The following FGGY variants were observed in gnomAD, a reference collection of about 807,000 sequenced individuals.
FGGY encodes FGGY carbohydrate kinase domain containing.
Under a neutral mutation model 71.3 loss-of-function variants are expected in FGGY, and 72 were observed. The observed-to-expected ratio is 1.01, with a 90% confidence interval of 0.84 to 1.23. The LOEUF is 1.23. FGGY is among the 50% of genes most tolerant of loss of function. The pLI is 0.00. For synonymous variants in FGGY, 251 were observed against 250.3 expected, an observed-to-expected ratio of 1.00 and a Z score of -0.02; for missense variants, 668 against 682.3, an observed-to-expected ratio of 0.98 and a Z score of 0.23.
At chr1:59,534,545 T>C (rs970778301) in intron 7 of FGGY, among the ~76,000 whole-genome samples, 1 of 151,792 alleles carries the variant, frequency 6.6e-6, no homozygotes, top group East Asian at 1.9e-4. Flanking sequence ...TCACCAAAGT[T>C]GAAATGAAGG....
chr1:59,389,869 A>C (rs1195133575), intron 5 of FGGY, among the ~76,000 whole-genome samples: 1 of 152,196 alleles, frequency 6.6e-6, no homozygotes, highest in East Asian at 1.9e-4. Context: ...AATTGATTGA[A>C]TTTATATCAT....
At chr1:59,399,473 T>A (rs1156607791) in intron 5 of FGGY, among the ~76,000 whole-genome samples, 1 of 152,192 alleles carries the variant, frequency 6.6e-6, no homozygotes, top group African/African-American at 2.4e-5. Context: ...AACTTTCCCA[T>A]AGTAACAGAG....
At chr1:59,370,315 G>T (rs561518792) in intron 4 of FGGY, among the ~76,000 whole-genome samples, 1 of 152,202 alleles carries the variant, frequency 6.6e-6, no homozygotes, top group South Asian at 2.1e-4. Context: ...AGCGATGGAA[G>T]ATGAAATGAA....
intron 14 of FGGY, among the ~76,000 whole-genome samples, chr1:59,686,930 C>T (rs190248662): frequency 2.6e-5 from 4 of 152,300 alleles, no homozygotes; most frequent in Admixed American, 2.6e-4. Flanking sequence ...TGAATAAACT[C>T]TCAATGAGAG....
intron 10 of FGGY, among the ~76,000 whole-genome samples, chr1:59,636,496 G>A (rs1275197028): frequency 3.3e-5 from 5 of 152,024 alleles, no homozygotes; most frequent in African/African-American, 4.8e-5. Context: ...GGTGGCGGAC[G>A]CCTGTGGTCC....
intron 6 of FGGY, among the ~76,000 whole-genome samples, chr1:59,484,331 T>A (rs1479384882): frequency 6.6e-6 from 1 of 152,204 alleles, no homozygotes; most frequent in Non-Finnish European, 1.5e-5. Context: ...CGATATGTCT[T>A]CTGCATTCTC....
intron 14 of FGGY, among the ~76,000 whole-genome samples, chr1:59,710,777 A>G (rs1460771623): frequency 1.3e-5 from 2 of 152,182 alleles, no homozygotes; most frequent in African/African-American, 4.8e-5. Context: ...GGTGATCACT[A>G]AAGTCAGGAA....
At chr1:59,305,988 T>C (rs1356188849) in intron 1 of FGGY, among the ~76,000 whole-genome samples, 1 of 152,234 alleles carries the variant, frequency 6.6e-6, no homozygotes, top group Non-Finnish European at 1.5e-5. Context: ...GCTTGGCCTG[T>C]GTTCATCCTT....
intron 6 of FGGY, among the ~76,000 whole-genome samples, chr1:59,473,246 G>A (rs962218457): frequency 3.3e-5 from 5 of 151,516 alleles, no homozygotes; most frequent in African/African-American, 4.9e-5. Flanking sequence ...CGAACCCACC[G>A]GGAGGAACGA....
chr1:59,736,496 T>C (rs977724168), intron 14 of FGGY, among the ~76,000 whole-genome samples: 14 of 152,078 alleles, frequency 9.2e-5, no homozygotes, highest in African/African-American at 3.1e-4. Context: ...CAAGCTGAAG[T>C]GGTCTCAGAT....
intron 14 of FGGY, among the ~76,000 whole-genome samples, chr1:59,707,391 C>T (rs1238309489): frequency 1.3e-5 from 2 of 152,112 alleles, no homozygotes; most frequent in African/African-American, 4.8e-5. Context: ...AGAGGCCAAG[C>T]TGTAGGAGGA....
intron 14 of FGGY, among the ~76,000 whole-genome samples, chr1:59,706,880 G>A (rs951999826): frequency 6.6e-6 from 1 of 152,198 alleles, no homozygotes; most frequent in Non-Finnish European, 1.5e-5. Flanking sequence ...TTCATAGAAA[G>A]TGCTTAATAA....
At chr1:59,496,562 A>G (rs1003304306) in intron 6 of FGGY, among the ~76,000 whole-genome samples, 3 of 152,120 alleles carry the variant, frequency 2.0e-5, no homozygotes, top group Admixed American at 2.0e-4. Flanking sequence ...GGATCGAAAA[A>G]CTACCTGTAG....
chr1:59,403,625 G>A (rs1323951700), intron 5 of FGGY, among the ~76,000 whole-genome samples: 1 of 152,202 alleles, frequency 6.6e-6, no homozygotes, highest in Non-Finnish European at 1.5e-5. Flanking sequence ...ACAGCATATG[G>A]GAAAGCAGAG....
chr1:59,434,645 C>A (rs2068041939), intron 5 of FGGY, among the ~76,000 whole-genome samples: 1 of 152,194 alleles, frequency 6.6e-6, no homozygotes. Context: ...CCAGTTTATT[C>A]CATGTCTGGT....
Position 59,554,165 on chromosome 1 carries a change from G to A in FGGY, c.841G>A (p.Glu281Lys). 1 of 1,613,586 alleles carries A rather than the reference G, an allele frequency of 6.2e-7. No individual in the cohort carries two copies. Among genetic ancestry groups the A allele is most frequent in the Non-Finnish European group, 8.5e-7 (1 of 1,179,578 alleles). ...TGTGAGAGGGCACGGCCTCATCTGT[G>A]AGGGGCAGCCAGTGACGTCACGGCT... is the stretch of plus-strand genomic sequence containing the variant. ...ADVRGHGLIC[E>K]GQPVTSRLAV... Residue 281 changes from glutamate to lysine, a missense_variant, in exon 8 of 16, where the codon GAG becomes AAG. Coordinates refer to ENST00000303721, the MANE Select transcript of FGGY (RefSeq NM_018291.5).
rs143297527 is a variant in FGGY, at chr1:59,612,948, C to T, written c.1011+5038C>T. Among the ~76,000 whole-genome samples, 569 of 152,170 alleles carry T rather than the reference C, an allele frequency of 3.7e-3. 4 individuals are homozygous for T. Among genetic ancestry groups the T allele is most frequent in the African/African-American group, 0.013 (541 of 41,508 alleles). ...GATCAATTCAACAAGAAGAGCTAAC[C>T]ATCCTAAATATATATGTACCCAATA... On this transcript the variant is annotated intron_variant, in intron 9 of 15. Coordinates refer to ENST00000303721, the MANE Select transcript of FGGY (RefSeq NM_018291.5).
intron 12 of FGGY, among the ~76,000 whole-genome samples, chr1:59,660,887 G>T (rs2097267604): frequency 6.6e-6 from 1 of 152,154 alleles, no homozygotes; most frequent in Non-Finnish European, 1.5e-5. Context: ...TCTAGAGGTG[G>T]CTATGGATGG....
chr1:59,519,632 A>G (rs539386372), intron 7 of FGGY, among the ~76,000 whole-genome samples: 4 of 152,322 alleles, frequency 2.6e-5, no homozygotes, highest in African/African-American at 9.6e-5. Flanking sequence ...AACATTGTTA[A>G]TTAGAACAAA....
Sources: allele counts gnomAD v4.1 joint callset (sites outside exome capture counted in the v4.1 genomes callset), GRCh38; gene constraint gnomAD v4.1.1; transcripts MANE v1.5; gene names NCBI Gene and HGNC (gene_info 2026-07-23, HGNC 2026-07-21).